KIAA2012: variants seen among roughly 807,000 people sequenced by gnomAD.
The protein encoded by KIAA2012 is uncharacterized protein KIAA2012.
Under a neutral mutation model 150.6 loss-of-function variants are expected in KIAA2012, and 125 were observed. The observed-to-expected ratio is 0.83, with a 90% CI of 0.72 to 0.96. The LOEUF is 0.96. Among genes scored for constraint, KIAA2012 ranks in the 40% least tolerant of loss-of-function variants. The probability of loss-of-function intolerance (pLI) is 0.00; values close to 1 mark genes in which losing one functional copy is unlikely to be tolerated. For synonymous variants in KIAA2012, 462 were observed against 504.7 expected, an observed-to-expected ratio of 0.92 and a Z score of 1.13; for missense variants, 1,219 against 1,354.9, an observed-to-expected ratio of 0.90 and a Z score of 1.57.
intron 2 of KIAA2012, among the ~76,000 whole-genome samples, chr2:202,088,608 C>T (rs560165658): frequency 3.3e-5 from 5 of 152,310 alleles, no homozygotes; most frequent in African/African-American, 1.2e-4. Context: ...TGAGAGCGTG[C>T]ACCCTCTCAC....
At chr2:202,096,049 A>T (rs111379971) in intron 4 of KIAA2012, among the ~76,000 whole-genome samples, 2 of 151,996 alleles carry the variant, frequency 1.3e-5, no homozygotes, top group African/African-American at 2.4e-5. Context: ...ATGCCACTGC[A>T]CTCCAGCCTG....
At chr2:202,203,871 G>A (rs1313673883) in intron 23 of KIAA2012, among the ~76,000 whole-genome samples, 1 of 151,068 alleles carries the variant, frequency 6.6e-6, no homozygotes, top group Admixed American at 6.6e-5. Flanking sequence ...CCGGGTTCAC[G>A]CCATTCTTCT....
intron 14 of KIAA2012, among the ~76,000 whole-genome samples, chr2:202,160,937 A>G (rs961320796): frequency 6.6e-6 from 1 of 152,124 alleles, no homozygotes; most frequent in African/African-American, 2.4e-5. Flanking sequence ...CCTGCAGCAC[A>G]TGCTCCTCCA....
chr2:202,164,203 A>G (rs1053784863), intron 14 of KIAA2012, among the ~76,000 whole-genome samples: 1 of 151,910 alleles, frequency 6.6e-6, no homozygotes, highest in African/African-American at 2.4e-5. Flanking sequence ...TGGCCTCATC[A>G]GACACACGGG....
chr2:202,139,287 CA>C (rs1208308602), intron 13 of KIAA2012, among the ~76,000 whole-genome samples: 1 of 150,894 alleles, frequency 6.6e-6, no homozygotes, highest in Non-Finnish European at 1.5e-5. Context: ...CATATGTTCA[CA>C]AATATTTATA....
At chr2:202,105,985 C>T (rs1198053266) in intron 9 of KIAA2012, 75 bp downstream of exon 9, 1 of 1,549,746 alleles carries the variant, frequency 6.5e-7, no homozygotes, top group South Asian at 1.2e-5. Context: ...CACAAGGGTC[C>T]ACAGCCAAGG....
intron 2 of KIAA2012, 147 bp downstream of exon 2, chr2:202,075,322 G>T (rs770110521): frequency 1.1e-6 from 1 of 940,618 alleles, no homozygotes; most frequent in East Asian, 2.6e-5. Flanking sequence ...GAGATTGACT[G>T]TACTCTTAGC....
chr2:202,196,195 T>TTTTTC (rs1692411133), intron 21 of KIAA2012, among the ~76,000 whole-genome samples: 1 of 131,904 alleles, frequency 7.6e-6, no homozygotes, highest in African/African-American at 2.9e-5. Context: ...TCTTTTTTTT[T>TTTTTC]TTTTTTTTTT....
At chr2:202,157,125 C>A (rs987917909) in intron 14 of KIAA2012, among the ~76,000 whole-genome samples, 1 of 152,150 alleles carries the variant, frequency 6.6e-6, no homozygotes, top group Non-Finnish European at 1.5e-5. Flanking sequence ...GAAGTACACG[C>A]TCGGTACACT....
intron 2 of KIAA2012, 96 bp from the exon 3 acceptor site, chr2:202,090,674 T>C (rs1689695308): frequency 7.3e-7 from 1 of 1,362,834 alleles, no homozygotes; most frequent in Non-Finnish European, 9.7e-7. Flanking sequence ...TCTGGGAGTT[T>C]CCTGGGTTAC....
At chr2:202,132,090 C>T (rs905001212) in intron 12 of KIAA2012, among the ~76,000 whole-genome samples, 3 of 152,012 alleles carry the variant, frequency 2.0e-5, no homozygotes, top group African/African-American at 7.2e-5. Flanking sequence ...GCAGGAGAAT[C>T]GCTTGAACCC....
At chr2:202,190,514 C>T in intron 19 of KIAA2012, 21 bp downstream of exon 19, 1 of 1,453,508 alleles carries the variant, frequency 6.9e-7, no homozygotes, top group Non-Finnish European at 9.1e-7. Flanking sequence ...ATGTCCTCAG[C>T]TTGACAGAGG....
intron 12 of KIAA2012, among the ~76,000 whole-genome samples, chr2:202,126,625 G>A (rs1266193021): frequency 1.0e-4 from 2 of 20,018 alleles, no homozygotes; most frequent in Non-Finnish European, 1.8e-4. Context: ...TGATGGTGGT[G>A]GTGGTGGTGG....
At chr2:202,179,241 A>T in intron 15 of KIAA2012, 1 of 751,998 alleles carries the variant, frequency 1.3e-6, no homozygotes, top group Non-Finnish European at 2.3e-6. Flanking sequence ...ATTTGGCAGT[A>T]GGCATTGTGA....
At chr2:202,111,222 C>T (rs1248837752) in intron 10 of KIAA2012, among the ~76,000 whole-genome samples, 2 of 151,252 alleles carry the variant, frequency 1.3e-5, no homozygotes, top group South Asian at 2.1e-4. Context: ...AGTGGCTGGG[C>T]GTGGTGGCTC....
intron 15 of KIAA2012, among the ~76,000 whole-genome samples, chr2:202,171,490 C>A (rs900976781): frequency 3.3e-5 from 5 of 152,210 alleles, no homozygotes; most frequent in African/African-American, 1.2e-4. Flanking sequence ...GAGGTCGTCC[C>A]GGCCTTACAA....
intron 5 of KIAA2012, among the ~76,000 whole-genome samples, chr2:202,098,379 G>A (rs6435126): frequency 0.53 from 79,731 of 151,842 alleles, 21,188 homozygotes; most frequent in African/African-American, 0.59. Flanking sequence ...AATAAATAAG[G>A]GTTTCATAGG....
chr2:202,184,678 A>C, intron 15 of KIAA2012, 75 bp from the exon 16 acceptor site: 2 of 990,624 alleles, frequency 2.0e-6, no homozygotes, highest in Non-Finnish European at 2.9e-6. Flanking sequence ...CACCAGGTAG[A>C]TGTTTTTCCA....
Position 202,096,053 on chromosome 2 carries a change from C to T in KIAA2012, c.686-1382C>T, listed in dbSNP as rs552501576. 1.6e-4 allele frequency among the ~76,000 whole-genome samples: 25 copies of T among 152,252 alleles called. No individual in the cohort carries two copies. In the East Asian group the frequency reaches 2.1e-3, roughly 13 times the overall value. On this transcript the variant is annotated intron_variant, in intron 4 of 23. Transcript: ENST00000498697. ...GAGCCAAGATCATGCCACTGCACTC[C>T]AGCCTGGGCAACAGAGTGAGACTAC...
Sources: allele counts gnomAD v4.1 joint callset (sites outside exome capture counted in the v4.1 genomes callset), GRCh38; gene constraint gnomAD v4.1.1; transcripts MANE v1.5; gene names NCBI Gene and HGNC (gene_info 2026-07-23, HGNC 2026-07-21).